The following PSG7 variants were observed in gnomAD, a reference collection of about 807,000 sequenced individuals.
PSG7 encodes the protein pregnancy specific beta-1-glycoprotein 7.
Under a neutral mutation model 45.6 loss-of-function variants are expected in PSG7, and 57 were observed. That is an observed-to-expected ratio of 1.25 (90% CI 1.01 to 1.56). The LOEUF (loss-of-function observed/expected upper bound fraction) is 1.56, where lower values mean the gene tolerates loss of function less well. Ranked by LOEUF, PSG7 falls within the 40% of genes most tolerant of loss-of-function variation. The probability of loss-of-function intolerance (pLI) is 0.00; values close to 1 mark genes in which losing one functional copy is unlikely to be tolerated. For missense variants in PSG7, 796 were observed against 508.4 expected, an observed-to-expected ratio of 1.57 and a Z score of -5.44; for synonymous variants, 298 against 194.4, an observed-to-expected ratio of 1.53 and a Z score of -4.43.
chr19:42,924,640 G>C lies in PSG7; in HGVS notation c.*168C>G. 6 of 708,010 alleles carry C rather than the reference G, an allele frequency of 8.5e-6. No individual in the cohort carries two copies. The highest frequency in any genetic ancestry group is 8.1e-5 in the Admixed American group (4 of 49,250). The allele number at this position is 708,010 out of a possible 1,614,324, so 43.9% of individuals were successfully genotyped here. On this transcript the variant is annotated 3_prime_UTR_variant, in exon 6 of 6. Coordinates refer to ENST00000406070, the MANE Select transcript of PSG7 (RefSeq NM_002783.3). ...CAGTTTGAGCAGCTGTTGTTATGGT[G>C]TTGAACATTTTGGTGAGTTCTGAGT...
At position 42,937,152 on chromosome 19, in the gene PSG7, C is replaced by G. The variant is rs772187817; in HGVS notation, c.-76G>C. 3.3e-5 allele frequency: 52 copies of G among 1,555,954 alleles called. No individual in the cohort carries two copies. Among genetic ancestry groups the G allele is most frequent in the African/African-American group, 8.2e-5 (6 of 72,972 alleles). On this transcript the variant is annotated 5_prime_UTR_variant, in exon 1 of 6. Transcript: ENST00000406070. ...GAATCTTCCTGAGCACGGCTGTCAGCTGTGCTGTCCTTCCTCCTTCTGCAC... is the reference window on the plus strand; with the variant it reads ...GAATCTTCCTGAGCACGGCTGTCAGGTGTGCTGTCCTTCCTCCTTCTGCAC...
chr19:42,924,688 A>G lies in PSG7; in HGVS notation c.*120T>C, dbSNP rs577481141. 11 of 763,490 alleles carry G rather than the reference A, an allele frequency of 1.4e-5. No individual in the cohort carries two copies. Among genetic ancestry groups the G allele is most frequent in the African/African-American group, 1.0e-4 (6 of 58,814 alleles). The allele number at this position is 763,490 out of a possible 1,614,324, so 47.3% of individuals were successfully genotyped here. A position where few individuals can be genotyped will look rare whatever the true frequency, so the allele number is the denominator to read the frequency against. On this transcript the variant is annotated 3_prime_UTR_variant, in exon 6 of 6. Coordinates refer to ENST00000406070, the MANE Select transcript of PSG7 (RefSeq NM_002783.3). ...AGTGGCTCAGACATCAGGTACAAGGATTTTCCCATGAAATTTACATTGAGT... is the reference window on the plus strand; with the variant it reads ...AGTGGCTCAGACATCAGGTACAAGGGTTTTCCCATGAAATTTACATTGAGT...
At position 42,929,441 on chromosome 19, in the gene PSG7, C is replaced by A; in HGVS notation, c.709+1G>T. On this transcript the variant is annotated splice_donor_variant, in intron 3 of 5. Coordinates refer to ENST00000406070, the MANE Select transcript of PSG7 (RefSeq NM_002783.3). LOFTEE classifies it high-confidence loss of function. The stretch of plus-strand genomic sequence containing the variant: ...CTAACAGAGGAACAGAAGATACTCA[C>A]GGAGGAGATTCAGGGTGACTGGGTC... 6.2e-7 allele frequency: 1 copy of A among 1,612,210 alleles called. No homozygotes were observed. The highest frequency in any genetic ancestry group is 8.5e-7 in the Non-Finnish European group (1 of 1,179,010).
chr19:42,926,396 T>C (rs369901856), intron 4 of PSG7, 42 bp downstream of exon 4: 2 of 1,606,610 alleles, frequency 1.2e-6, no homozygotes, highest in Non-Finnish European at 1.7e-6. Flanking sequence ...TAAGCTGGTG[T>C]CCTGGCCCAC....
chr19:42,928,580 G>C (rs889383221), intron 3 of PSG7, among the ~76,000 whole-genome samples: 5 of 151,442 alleles, frequency 3.3e-5, no homozygotes, highest in African/African-American at 1.2e-4. Flanking sequence ...TTTCTTTTCA[G>C]ATTGTTCATT....
At chr19:42,929,200 C>A in intron 3 of PSG7, 7 of 915,772 alleles carry the variant, frequency 7.6e-6, no homozygotes, top group South Asian at 2.0e-5. Flanking sequence ...AGACATTCAC[C>A]TGTTTCTTCC....
chr19:42,935,408 T>A lies in PSG7; in HGVS notation c.426A>T (p.Leu142Phe). 1 of 1,611,664 alleles carries A rather than the reference T, an allele frequency of 6.2e-7. No homozygotes were observed. The highest frequency in any genetic ancestry group is 1.1e-5 in the South Asian group (1 of 90,708). The stretch of plus-strand genomic sequence containing the variant: ...GGACCATGTGGAATCACTCACGGTA[T>A]AAGGTGAAGGTGAAACGTCCAGTTA... Reference protein sequence around the residue: ...GGVTGRFTFTLYLETPKPSIS... With the variant: ...GGVTGRFTFTFYLETPKPSIS... The change falls in exon 2 of 6, where the codon TTA (leucine) becomes TTT (phenylalanine). Residue 142 changes from leucine (L) to phenylalanine (F), a missense_variant. Coordinates refer to ENST00000406070, the MANE Select transcript of PSG7 (RefSeq NM_002783.3).
At position 42,926,941 on chromosome 19, in the gene PSG7, T is replaced by C. The variant is rs1429001450; in HGVS notation, c.710-225A>G. 6 of 916,666 alleles carry C rather than the reference T, an allele frequency of 6.5e-6. 1 individual carries two copies. The highest frequency in any genetic ancestry group is 5.0e-5 in the African/African-American group (3 of 59,426). The allele number at this position is 916,666 out of a possible 1,614,324, so 56.8% of individuals were successfully genotyped here. On this transcript the variant is annotated intron_variant, in intron 3 of 5. Coordinates refer to ENST00000406070, the MANE Select transcript of PSG7 (RefSeq NM_002783.3). ...AAGCATAGACTTTCTCAAGTGTCAA[T>C]TGAGCAGCAGTGCTGGGTCATGGAC...
intron 1 of PSG7, among the ~76,000 whole-genome samples, chr19:42,936,767 C>G (rs1157569275): frequency 1.3e-5 from 2 of 151,380 alleles, no homozygotes; most frequent in Non-Finnish European, 2.9e-5. Context: ...CCTGCCTCAG[C>G]CTCCTGAGTA....
At chr19:42,927,319 C>T (rs915467579) in intron 3 of PSG7, 1 of 158,186 alleles carries the variant, frequency 6.3e-6, no homozygotes, top group Admixed American at 5.8e-5. Flanking sequence ...CAGTTTTTTG[C>T]AGGTGTTTCA....
Position 42,925,934 on chromosome 19 carries a change from G to C in PSG7, c.1082C>G (p.Pro361Arg), listed in dbSNP as rs184944789. The change falls in exon 5 of 6, where the codon CCG becomes CGG. Residue 361 changes from proline (P) to arginine (R), a missense_variant. Physicochemically the swap from Pro to Arg is moderately radical, Grantham distance 103 (BLOSUM62 -2). Transcript: ENST00000406070. ...YLSCFADSNP[P>R]AQYSWTINGK... ...ATTAATTGTCCAAGAATACTGTGCC[G>C]GTGGGTTAGAGTCCGCAAAGCAGGA... is the stretch of plus-strand genomic sequence containing the variant. 16 of 1,612,096 alleles carry C rather than the reference G, an allele frequency of 9.9e-6. 1 individual carries two copies. The highest frequency in any genetic ancestry group is 1.4e-5 in the Non-Finnish European group (16 of 1,179,210).
chr19:42,929,230 G>C, intron 3 of PSG7: 2 of 1,155,300 alleles, frequency 1.7e-6, no homozygotes, highest in Non-Finnish European at 2.4e-6. Context: ...TGTGGACCCT[G>C]AGTCTCCCAT....
At chr19:42,935,914 A>ACACAG in intron 1 of PSG7, 145 bp from the exon 2 acceptor site, 1 of 1,178,614 alleles carries the variant, frequency 8.5e-7, no homozygotes, top group Non-Finnish European at 1.1e-6. Flanking sequence ...ACACACACAC[A>ACACAG]AACACACACA....
In PSG7 at chr19:42,935,780, G is replaced by C. The variant is rs782790747; in HGVS notation, c.65-11C>G. ...AGTTTAAAAGTGATGCTAGGAGGTGGAGAGAGCATCAGTCAATATTGAGAC... is the reference window on the plus strand; with the variant it reads ...AGTTTAAAAGTGATGCTAGGAGGTGCAGAGAGCATCAGTCAATATTGAGAC... On this transcript the variant is annotated splice_polypyrimidine_tract_variant and intron_variant, in intron 1 of 5. Transcript: ENST00000406070. 86 of 1,604,738 alleles carry C rather than the reference G, an allele frequency of 5.4e-5. 4 individuals carry two copies. Among genetic ancestry groups the C allele is most frequent in the Non-Finnish European group, 7.0e-5 (82 of 1,175,766 alleles).
rs1340604967 is a variant in PSG7, at chr19:42,935,492, C to T, written c.342G>A (p.Gln114=). 2 of 1,612,218 alleles carry T rather than the reference C, an allele frequency of 1.2e-6. No homozygotes were observed. Among genetic ancestry groups the T allele is most frequent in the Non-Finnish European group, 1.7e-6 (2 of 1,179,042 alleles). ...NASLLIQNVT[Q]EDTGSYTLHI... ...GTAAAGTGTAGGATCCTGTGTCTTC[C>T]TGGGTGACATTCTGGATCAGCAGGG... Residue 114 remains glutamine (Q), a synonymous_variant, in exon 2 of 6, where the codon CAG becomes CAA. Coordinates refer to ENST00000406070, the MANE Select transcript of PSG7 (RefSeq NM_002783.3).
At chr19:42,926,126 A>G in intron 4 of PSG7, 99 bp from the exon 5 acceptor site, 1 of 1,524,550 alleles carries the variant, frequency 6.6e-7, no homozygotes, top group Admixed American at 1.9e-5. Context: ...GCCGAGACAC[A>G]CCCTCAAGTG....
intron 3 of PSG7, among the ~76,000 whole-genome samples, chr19:42,928,517 C>T (rs1972944407): frequency 6.6e-6 from 1 of 151,452 alleles, no homozygotes; most frequent in Admixed American, 6.6e-5. Context: ...TAAACTTATT[C>T]CAAAATATTT....
rs941450084 is a variant in PSG7, at chr19:42,929,187, C to G, written c.709+255G>C. 4 of 840,614 alleles carry G rather than the reference C, an allele frequency of 4.8e-6. No individual in the cohort carries two copies. The Admixed American group carries it at 9.1e-5, about 19-fold the overall frequency. 52.1% of individuals were successfully genotyped at this position (840,614 alleles called of 1,614,324 possible). On this transcript the variant is annotated intron_variant, in intron 3 of 5. Transcript: ENST00000406070. ...CCCCGCTGTGTTCATGATCTGGAGCCTGAGACATTCACCTGTTTCTTCCAT... is the reference window on the plus strand; with the variant it reads ...CCCCGCTGTGTTCATGATCTGGAGCGTGAGACATTCACCTGTTTCTTCCAT...
At position 42,929,578 on chromosome 19, in the gene PSG7, G is replaced by C. The variant is rs746631122; in HGVS notation, c.573C>G (p.His191Gln). The change falls in exon 3 of 6, where the codon CAC (histidine) becomes CAG (glutamine). Residue 191 changes from histidine to glutamine, a missense_variant. Coordinates refer to ENST00000406070, the MANE Select transcript of PSG7 (RefSeq NM_002783.3). ...TGTTGGTTTCAGACAGCTGCAAGCT[G>C]TGAGTCATAGGGAGGCTCTGACCAT... ...WMNGQSLPMTHSLQLSETNRT... is the reference protein window; with the variant it reads ...WMNGQSLPMTQSLQLSETNRT... The C allele has an allele frequency of 3.1e-6, 5 of 1,612,500 alleles. 1 individual carries two copies. The highest frequency in any genetic ancestry group is 4.2e-6 in the Non-Finnish European group (5 of 1,179,260).
Sources: allele counts gnomAD v4.1 joint callset (sites outside exome capture counted in the v4.1 genomes callset), GRCh38; gene constraint gnomAD v4.1.1; transcripts MANE v1.5; gene names NCBI Gene and HGNC (gene_info 2026-07-23, HGNC 2026-07-21).